Variants in MEDAG observed in about 807,000 individuals in gnomAD.
MEDAG encodes mesenteric estrogen-dependent adipogenesis protein.
MEDAG carries 25 observed loss-of-function variants against 29.9 expected under a neutral mutation model. That is an observed-to-expected ratio of 0.84 (90% CI 0.61 to 1.17). The LOEUF (loss-of-function observed/expected upper bound fraction) is 1.17, where lower values mean the gene tolerates loss of function less well. Among genes scored for constraint, MEDAG ranks in the 50% most tolerant of loss-of-function variants. The pLI, the probability that MEDAG is intolerant of heterozygous loss-of-function variation, is 0.00. For synonymous variants in MEDAG, 158 were observed against 148.2 expected (o/e 1.07, Z -0.48); for missense variants, 398 against 372.9 (o/e 1.07, Z -0.56).
At chr13:30,914,415 G>A (rs916874097) in intron 1 of MEDAG, among the ~76,000 whole-genome samples, 1 of 152,216 alleles carries the variant, frequency 6.6e-6, no homozygotes, top group Non-Finnish European at 1.5e-5. Context: ...TTACACATCT[G>A]TGCTACAGTG....
rs1346235322 is a variant in MEDAG at position 30,924,453 on chromosome 13, G to T, written c.*18G>T. ...TTATCTGATTGAACTGAACATTGTA[G>T]CAGTTGCTCCCGCACTCCAGGCCTG... On this transcript the variant is annotated 3_prime_UTR_variant, in exon 5 of 5. Coordinates refer to ENST00000380482, the MANE Select transcript of MEDAG (RefSeq NM_032849.4). 2 of 1,612,516 alleles carry T rather than the reference G, an allele frequency of 1.2e-6. No homozygotes were observed. Among genetic ancestry groups the T allele is most frequent in the Admixed American group, 3.3e-5 (2 of 59,882 alleles).
chr13:30,920,590 TAAAAAAAA>T (rs113574327), intron 2 of MEDAG, among the ~76,000 whole-genome samples: 1 of 133,666 alleles, frequency 7.5e-6, no homozygotes, highest in Admixed American at 7.4e-5. Context: ...CTTAAAAAAA[TAAAAAAAA>T]AAAAGAAGAA....
Position 30,921,632 on chromosome 13 carries a change from C to T in MEDAG, c.573C>T (p.Ser191=). The change falls in exon 4 of 5, where the codon AGC becomes AGT. Residue 191 remains serine (S), a synonymous_variant. Transcript: ENST00000380482. ...GNEVVNGENL[S]FAYEFKADAL... ...AAGTGGTTAATGGAGAAAATTTAAG[C>T]TTTGCATATGAATTCAAAGCTGATG... 6.2e-7 allele frequency: 1 copy of T among 1,613,300 alleles called. No individual in the cohort carries two copies. The highest frequency in any genetic ancestry group is 8.5e-7 in the Non-Finnish European group (1 of 1,179,842).
At chr13:30,906,920 C>A in intron 1 of MEDAG, 127 bp downstream of exon 1, 1 of 947,712 alleles carries the variant, frequency 1.1e-6, no homozygotes, top group Non-Finnish European at 1.5e-6. Context: ...TTGCTCCGTG[C>A]GCTTCTAGAC....
At chr13:30,914,297 T>C (rs1348137591) in intron 1 of MEDAG, among the ~76,000 whole-genome samples, 1 of 152,170 alleles carries the variant, frequency 6.6e-6, no homozygotes, top group African/African-American at 2.4e-5. Flanking sequence ...TAATGAGGTA[T>C]TTCTTATCTG....
At chr13:30,923,402 T>C (rs1953008609) in intron 4 of MEDAG, among the ~76,000 whole-genome samples, 1 of 152,060 alleles carries the variant, frequency 6.6e-6, no homozygotes, top group Admixed American at 6.5e-5. Flanking sequence ...ATCTCTGTCT[T>C]CATTTCAGTC....
intron 2 of MEDAG, among the ~76,000 whole-genome samples, chr13:30,918,618 A>T (rs1388878381): frequency 6.6e-6 from 1 of 152,186 alleles, no homozygotes; most frequent in East Asian, 1.9e-4. Flanking sequence ...ATGTGGGGGA[A>T]GTCATGGGCA....
chr13:30,912,756 C>G (rs992954442), intron 1 of MEDAG, among the ~76,000 whole-genome samples: 3 of 152,114 alleles, frequency 2.0e-5, no homozygotes, highest in Non-Finnish European at 4.4e-5. Context: ...GCCTCCTAAA[C>G]TGAAAAAATG....
At chr13:30,913,860 G>A (rs1952902959) in intron 1 of MEDAG, among the ~76,000 whole-genome samples, 1 of 152,034 alleles carries the variant, frequency 6.6e-6, no homozygotes, top group South Asian at 2.1e-4. Flanking sequence ...GGCCAATGTG[G>A]TGAAACCCTT....
chr13:30,924,377 C>T lies in MEDAG; in HGVS notation c.854C>T (p.Ala285Val), dbSNP rs1363292956. ...PRSSLTEPLL[A>V]ELPFPSVLES... The stretch of plus-strand genomic sequence containing the variant: ...TCATCTCTGACAGAGCCTCTTTTGG[C>T]AGAATTACCATTTCCAAGTGTTCTG... Residue 285 changes from alanine to valine, a missense_variant, in exon 5 of 5, where the codon GCA becomes GTA. Ala to Val is a moderately conservative substitution (Grantham distance 64). Transcript: ENST00000380482. 1.2e-6 allele frequency: 2 copies of T among 1,614,002 alleles called. No individual in the cohort carries two copies. Among genetic ancestry groups the T allele is most frequent in the Admixed American group, 3.3e-5 (2 of 60,012 alleles).
intron 4 of MEDAG, among the ~76,000 whole-genome samples, chr13:30,923,109 C>T (rs1433178916): frequency 1.3e-5 from 2 of 151,830 alleles, no homozygotes; most frequent in African/African-American, 2.4e-5. Context: ...TTAGTAGAGA[C>T]GGGTTTTCAC....
intron 1 of MEDAG, among the ~76,000 whole-genome samples, chr13:30,907,687 T>C (rs1045745280): frequency 1.2e-4 from 19 of 152,252 alleles, no homozygotes; most frequent in African/African-American, 4.1e-4. Flanking sequence ...GCCAAGTGCC[T>C]GAAGAGGCAA....
At chr13:30,909,116 CAAAAAAAAAAAA>C (rs10708028) in intron 1 of MEDAG, 4 of 83,480 alleles carry the variant, frequency 4.8e-5, no homozygotes, top group African/African-American at 1.8e-4. Context: ...GACCCTGTCT[CAAAAAAAAAAAA>C]AAAAAAAAAA....
intron 4 of MEDAG, among the ~76,000 whole-genome samples, chr13:30,923,939 G>GT (rs1953014910): frequency 1.3e-5 from 2 of 152,148 alleles, no homozygotes; most frequent in Non-Finnish European, 2.9e-5. Context: ...CTTGTCACGT[G>GT]GTCCAAACCT....
At chr13:30,922,029 C>T (rs1431972369) in intron 4 of MEDAG, 183 bp downstream of exon 4, 6 of 598,140 alleles carry the variant, frequency 1.0e-5, no homozygotes, top group Admixed American at 3.6e-5. Flanking sequence ...GTGACTTTTC[C>T]TTTTGAGCTC....
chr13:30,923,802 G>A (rs2138130591), intron 4 of MEDAG, among the ~76,000 whole-genome samples: 1 of 152,320 alleles, frequency 6.6e-6, no homozygotes, highest in Middle Eastern at 3.4e-3. Flanking sequence ...AAGTTAAGCA[G>A]TGCTTCCTTG....
At chr13:30,917,559 C>G in intron 2 of MEDAG, 47 bp downstream of exon 2, 1 of 1,019,994 alleles carries the variant, frequency 9.8e-7, no homozygotes, top group East Asian at 2.4e-5. Flanking sequence ...AAAGAAATAC[C>G]TAAAACTGGG....
intron 1 of MEDAG, among the ~76,000 whole-genome samples, chr13:30,913,234 G>A (rs1593505660): frequency 2.0e-5 from 3 of 152,268 alleles, no homozygotes; most frequent in African/African-American, 7.2e-5. Context: ...TTTGTTTGTT[G>A]AGATAGGGTC....
In MEDAG at chr13:30,906,536, G is replaced by A. The variant is rs1400078575; in HGVS notation, c.21G>A (p.Glu7=). 5.3e-6 allele frequency: 8 copies of A among 1,522,704 alleles called. No homozygotes were observed. In the Admixed American group the frequency reaches 1.5e-4, roughly 29 times the overall value. 94.3% of individuals were successfully genotyped at this position (1,522,704 alleles called of 1,614,324 possible). MAGAAC[E]PVARPSLTSI... Reference sequence around the variant, plus strand: ...CGGGCATGGCGGGGGCGGCCTGCGAGCCGGTGGCCAGGCCGAGCCTGACCT... The same window carrying A: ...CGGGCATGGCGGGGGCGGCCTGCGAACCGGTGGCCAGGCCGAGCCTGACCT... Residue 7 remains glutamate, a synonymous_variant, in exon 1 of 5, where the codon GAG becomes GAA. Transcript: ENST00000380482.
Sources: gnomAD v4.1 joint callset for allele counts (sites outside exome capture counted in the v4.1 genomes callset) on GRCh38, gnomAD v4.1.1 for gene constraint, MANE v1.5 for transcripts, NCBI Gene and HGNC (gene_info 2026-07-23, HGNC 2026-07-21) for gene names.